The following TTC28 variants were observed in gnomAD, a reference collection of about 807,000 sequenced individuals.
The protein encoded by TTC28 is tetratricopeptide repeat protein 28.
TTC28 carries 61 observed loss-of-function variants against 198.0 expected under a neutral mutation model. The observed-to-expected ratio is 0.31, with a 90% CI of 0.25 to 0.38. The LOEUF is 0.38. Ranked by LOEUF, TTC28 falls within the 10% of genes least tolerant of loss-of-function variation. The pLI, the probability that TTC28 is intolerant of heterozygous loss-of-function variation, is 1.00. For synonymous variants in TTC28, 1,171 were observed against 1,297.8 expected (o/e 0.90, Z 2.10); for missense variants, 2,678 against 3,164.0 (o/e 0.85, Z 3.69).
Position 28,018,311 on chromosome 22 carries a change from G to T in TTC28, c.4074-3919C>A, listed in dbSNP as rs1407936669. 3.3e-5 allele frequency among the ~76,000 whole-genome samples: 5 copies of T among 149,818 alleles called. No individual in the cohort carries two copies. The South Asian group carries it at 6.5e-4, about 19-fold the overall frequency. On this transcript the variant is annotated intron_variant, in intron 13 of 22. Coordinates refer to ENST00000397906, the MANE Select transcript of TTC28 (RefSeq NM_001145418.2). ...TGCGCGCGTGTGTGCGCGCGCGGGGGGGGGGGCGGGGAACCTGTCCCTAGA... is the reference window on the plus strand; with the variant it reads ...TGCGCGCGTGTGTGCGCGCGCGGGGTGGGGGGCGGGGAACCTGTCCCTAGA...
intron 2 of TTC28, among the ~76,000 whole-genome samples, chr22:28,318,885 C>G (rs1376611246): frequency 8.2e-6 from 1 of 121,780 alleles, no homozygotes; most frequent in African/African-American, 3.2e-5. Context: ...GTGGTGTGAT[C>G]AAGGCTTATG....
chr22:28,373,889 TAAG>T (rs770665626), intron 2 of TTC28, among the ~76,000 whole-genome samples: 1 of 152,180 alleles, frequency 6.6e-6, no homozygotes, highest in Non-Finnish European at 1.5e-5. Flanking sequence ...ATTTTCAAAA[TAAG>T]GACTATTTTT....
intron 2 of TTC28, among the ~76,000 whole-genome samples, chr22:28,577,113 A>G (rs1248933186): frequency 6.6e-6 from 1 of 152,082 alleles, no homozygotes; most frequent in East Asian, 1.9e-4. Flanking sequence ...TTATTGCCAT[A>G]AAGTTTCCTC....
At chr22:28,061,561 C>T (rs1417115920) in intron 12 of TTC28, among the ~76,000 whole-genome samples, 1 of 152,024 alleles carries the variant, frequency 6.6e-6, no homozygotes, top group African/African-American at 2.4e-5. Flanking sequence ...GGCTCTGTTT[C>T]GTTCCATTGG....
chr22:28,583,745 G>A (rs1348162035), intron 2 of TTC28, among the ~76,000 whole-genome samples: 1 of 152,036 alleles, frequency 6.6e-6, no homozygotes, highest in South Asian at 2.1e-4. Flanking sequence ...ACTATAAGCT[G>A]AGCAGAAAAT....
chr22:28,162,011 C>T (rs1238430513), intron 6 of TTC28, among the ~76,000 whole-genome samples: 1 of 152,084 alleles, frequency 6.6e-6, no homozygotes, highest in Non-Finnish European at 1.5e-5. Flanking sequence ...TTGTCCTCTC[C>T]CCGTCCTGAA....
chr22:28,576,641 TA>T (rs2050155012), intron 2 of TTC28, among the ~76,000 whole-genome samples: 1 of 152,132 alleles, frequency 6.6e-6, no homozygotes, highest in East Asian at 1.9e-4. Flanking sequence ...GGAGACTTTT[TA>T]TTACAGCTTC....
At chr22:28,477,786 C>A (rs2048185854) in intron 2 of TTC28, among the ~76,000 whole-genome samples, 1 of 152,308 alleles carries the variant, frequency 6.6e-6, no homozygotes. Flanking sequence ...TCTTTCCCAC[C>A]TGCCCTCTCG....
chr22:28,493,474 T>C (rs1366270178), intron 2 of TTC28, among the ~76,000 whole-genome samples: 1 of 152,234 alleles, frequency 6.6e-6, no homozygotes, highest in Non-Finnish European at 1.5e-5. Flanking sequence ...TCATTCTGTC[T>C]TTCTACAGGA....
chr22:28,400,098 C>T (rs2046881405), intron 2 of TTC28, among the ~76,000 whole-genome samples: 1 of 152,160 alleles, frequency 6.6e-6, no homozygotes, highest in South Asian at 2.1e-4. Context: ...CATACTTCTG[C>T]AATCTGATTT....
At chr22:28,189,215 C>G (rs2044032593) in intron 5 of TTC28, among the ~76,000 whole-genome samples, 1 of 152,052 alleles carries the variant, frequency 6.6e-6, no homozygotes, top group Non-Finnish European at 1.5e-5. Flanking sequence ...GTAAAGTCTT[C>G]AGAGACATAA....
intron 2 of TTC28, among the ~76,000 whole-genome samples, chr22:28,580,051 T>G (rs2050213647): frequency 6.6e-6 from 1 of 152,074 alleles, no homozygotes; most frequent in Admixed American, 6.6e-5. Flanking sequence ...AACAGATTAT[T>G]TCAATGTATT....
At chr22:28,368,320 GA>G (rs969741605) in intron 2 of TTC28, among the ~76,000 whole-genome samples, 1 of 151,972 alleles carries the variant, frequency 6.6e-6, no homozygotes, top group African/African-American at 2.4e-5. Context: ...ATTGATGCTG[GA>G]AAAGCATTTG....
Position 27,979,600 on chromosome 22 carries a change from G to A in TTC28, c.*2621C>T, listed in dbSNP as rs1936949611. 1 of 152,100 alleles carries A rather than the reference G, an allele frequency of 6.6e-6. No individual in the cohort carries two copies. 9.4% of individuals were successfully genotyped at this position (152,100 alleles called of 1,614,324 possible). On this transcript the variant is annotated 3_prime_UTR_variant, in exon 23 of 23. Transcript: ENST00000397906. ...AAAAGGTAACTTAGCTCATGGCTGT[G>A]AAAAACCAGACCGCTGACCAGTCTT...
At chr22:28,164,341 G>A (rs745439036) in intron 5 of TTC28, among the ~76,000 whole-genome samples, 1 of 152,342 alleles carries the variant, frequency 6.6e-6, no homozygotes, top group East Asian at 1.9e-4. Flanking sequence ...TGGGCAGACT[G>A]CCTCCTCAAG....
chr22:28,467,075 C>G (rs748269548), intron 2 of TTC28, among the ~76,000 whole-genome samples: 4 of 152,200 alleles, frequency 2.6e-5, no homozygotes, highest in Non-Finnish European at 4.4e-5. Context: ...ACACTAATAA[C>G]TGGAATTCTT....
intron 2 of TTC28, among the ~76,000 whole-genome samples, chr22:28,431,782 T>C (rs2047433177): frequency 6.6e-6 from 1 of 151,688 alleles, no homozygotes. Flanking sequence ...GTTCGAGACC[T>C]GCCTGGCTAA....
Position 27,985,236 on chromosome 22 carries a change from G to A in TTC28, c.5815+13C>T. 1 of 1,544,240 alleles carries A rather than the reference G, an allele frequency of 6.5e-7. No individual in the cohort carries two copies. The highest frequency in any genetic ancestry group is 8.8e-7 in the Non-Finnish European group (1 of 1,140,656). On this transcript the variant is annotated intron_variant, in intron 22 of 22. Coordinates refer to ENST00000397906, the MANE Select transcript of TTC28 (RefSeq NM_001145418.2). Reference sequence around the variant, plus strand: ...GGCCCTGGTGGAGAACTGGTCTGAGGGCAGGCTCTTACCAAACAGAGACAG... The same window carrying A: ...GGCCCTGGTGGAGAACTGGTCTGAGAGCAGGCTCTTACCAAACAGAGACAG...
intron 2 of TTC28, among the ~76,000 whole-genome samples, chr22:28,405,913 C>A (rs552376916): frequency 6.6e-6 from 1 of 152,264 alleles, no homozygotes; most frequent in Non-Finnish European, 1.5e-5. Context: ...TGTTCCTGAG[C>A]TACTGCTTTA....
Sources: allele counts gnomAD v4.1 joint callset (sites outside exome capture counted in the v4.1 genomes callset), GRCh38; gene constraint gnomAD v4.1.1; transcripts MANE v1.5; gene names NCBI Gene and HGNC (gene_info 2026-07-23, HGNC 2026-07-21).